Variants in TEX15 observed in about 807,000 individuals in gnomAD.
The protein encoded by TEX15 is testis-expressed protein 15.
A neutral mutation model predicts 237.3 loss-of-function variants in TEX15; 171 were observed. That is an observed-to-expected ratio of 0.72 (90% CI 0.64 to 0.82). The LOEUF is 0.82. TEX15 is among the 40% of genes least tolerant of loss of function. The pLI is 0.00. For missense variants in TEX15, 3,750 were observed against 3,646.5 expected (o/e 1.03, Z -0.73); for synonymous variants, 1,338 against 1,269.8 (o/e 1.05, Z -1.14).
intron 1 of TEX15, among the ~76,000 whole-genome samples, chr8:30,899,320 GAAC>G (rs1325499167): frequency 1.3e-5 from 2 of 152,088 alleles, no homozygotes; most frequent in African/African-American, 4.8e-5. Context: ...TTTCAGATGA[GAAC>G]AACAGACTCA....
chr8:30,846,121 G>A lies in TEX15; in HGVS notation c.4046C>T (p.Thr1349Ile), dbSNP rs758850666. The change falls in exon 8 of 11, where the codon ACA (threonine) becomes ATA (isoleucine). Residue 1349 changes from threonine to isoleucine, a missense_variant. By Grantham distance (89) the Thr-to-Ile change is moderately conservative. Coordinates refer to ENST00000643185, the MANE Select transcript of TEX15 (RefSeq NM_001350162.2). The stretch of plus-strand genomic sequence containing the variant: ...AATGTGCTTTTCTGACTGTGAAAAT[G>A]TTTTAATTCGTCCTTGGGATAATGA... Reference protein sequence around the residue: ...FSSLSQGRIKTFSQSEKHIKS... With the variant: ...FSSLSQGRIKIFSQSEKHIKS... 2 of 1,613,512 alleles carry A rather than the reference G, an allele frequency of 1.2e-6. No homozygotes were observed. The highest frequency in any genetic ancestry group is 2.2e-5 in the East Asian group (1 of 44,838).
In TEX15 at chr8:30,845,793, T is replaced by G; in HGVS notation, c.4374A>C (p.Lys1458Asn). The G allele has an allele frequency of 1.2e-6, 2 of 1,610,402 alleles. No homozygotes were observed. The highest frequency in any genetic ancestry group is 1.7e-6 in the Non-Finnish European group (2 of 1,178,952). The change falls in exon 8 of 11, where the codon AAA becomes AAC. Residue 1458 changes from lysine (K) to asparagine (N), a missense_variant. Physicochemically the swap from Lys to Asn is moderately conservative, Grantham distance 94. Transcript: ENST00000643185. ...TAGAAATATCAGCTTTTGGAGCTCTTTTCTTTCTCCGTTTGTCATATTTTC... is the reference window on the plus strand; with the variant it reads ...TAGAAATATCAGCTTTTGGAGCTCTGTTCTTTCTCCGTTTGTCATATTTTC... The part of the protein sequence containing the change: ...SKRKYDKRRK[K>N]RAPKADISKS...
In TEX15 at chr8:30,848,536, A is replaced by G. The variant is rs575713960; in HGVS notation, c.1631T>C (p.Val544Ala). Reference protein sequence around the residue: ...DQGNFSFPISVSNVVSEVENQ... With the variant: ...DQGNFSFPISASNVVSEVENQ... The stretch of plus-strand genomic sequence containing the variant: ...CTCAACCTCTGACACTACATTTGAC[A>G]CAGAAATTGGGAAGGAAAAATTACC... Residue 544 changes from valine (V) to alanine (A), a missense_variant, in exon 8 of 11, where the codon GTG becomes GCG. Coordinates refer to ENST00000643185, the MANE Select transcript of TEX15 (RefSeq NM_001350162.2). 1 of 1,614,090 alleles carries G rather than the reference A, an allele frequency of 6.2e-7. No homozygotes were observed. Among genetic ancestry groups the G allele is most frequent in the Admixed American group, 1.7e-5 (1 of 60,010 alleles).
Position 30,832,749 on chromosome 8 carries a change from A to G in TEX15, c.*537T>C, listed in dbSNP as rs1217928092. The G allele has an allele frequency of 6.6e-6, 1 of 152,222 alleles. No individual in the cohort carries two copies. Among genetic ancestry groups the G allele is most frequent in the Admixed American group, 6.5e-5 (1 of 15,282 alleles). 9.4% of individuals were successfully genotyped at this position (152,222 alleles called of 1,614,324 possible). The stretch of plus-strand genomic sequence containing the variant: ...ATAATTAACTACAATTGCTTCCAAC[A>G]TAAACATTTAAAACATCTCTACTCA... On this transcript the variant is annotated 3_prime_UTR_variant, in exon 11 of 11. Coordinates refer to ENST00000643185, the MANE Select transcript of TEX15 (RefSeq NM_001350162.2).
In TEX15 at chr8:30,898,770, A is replaced by G. The variant is rs1808954277; in HGVS notation, c.-38T>C. On this transcript the variant is annotated 5_prime_UTR_variant, in exon 2 of 11. Coordinates refer to ENST00000643185, the MANE Select transcript of TEX15 (RefSeq NM_001350162.2). ...TCTTCAATGGCATCCAGCATTACAC[A>G]GTTATAATCAGTACTCAGTCCATAC... 1 of 152,252 alleles carries G rather than the reference A, an allele frequency of 6.6e-6. No individual in the cohort carries two copies. The highest frequency in any genetic ancestry group is 6.5e-5 in the Admixed American group (1 of 15,292). The allele number at this position is 152,252 out of a possible 1,614,324, so 9.4% of individuals were successfully genotyped here.
In TEX15 at chr8:30,860,088, G is replaced by A. The variant is rs909530777; in HGVS notation, c.541-31C>T. On this transcript the variant is annotated intron_variant, in intron 5 of 10. Coordinates refer to ENST00000643185, the MANE Select transcript of TEX15 (RefSeq NM_001350162.2). ...AAAAAAAAAGCCAAAAAAAAAGTACGTAAAAATATACCAAAACGTTTCTAA... is the reference window on the plus strand; with the variant it reads ...AAAAAAAAAGCCAAAAAAAAAGTACATAAAAATATACCAAAACGTTTCTAA... 25 of 1,424,824 alleles carry A rather than the reference G, an allele frequency of 1.8e-5. No individual in the cohort carries two copies. The East Asian group carries it at 4.6e-4, about 26-fold the overall frequency. 88.3% of individuals were successfully genotyped at this position (1,424,824 alleles called of 1,614,324 possible).
chr8:30,881,628 T>TC (rs1563267042), intron 3 of TEX15, among the ~76,000 whole-genome samples: 2 of 92,442 alleles, frequency 2.2e-5, no homozygotes, highest in Non-Finnish European at 3.7e-5. Context: ...TTTTTTTTAT[T>TC]ATTTTTTTTT....
rs1000801129 is a variant in TEX15 at position 30,845,984 on chromosome 8, G to T, written c.4183C>A (p.His1395Asn). 3 of 1,613,000 alleles carry T rather than the reference G, an allele frequency of 1.9e-6. No individual in the cohort carries two copies. Among genetic ancestry groups the T allele is most frequent in the Non-Finnish European group, 1.7e-6 (2 of 1,179,514 alleles). ...VHLKKAHRRV[H>N]TSLQLITKVG... ...TTAGTTATAAGCTGCAAAGATGTGT[G>T]AACTCTTCTATGAGCTTTTTTTAAG... Residue 1395 changes from histidine to asparagine, a missense_variant, in exon 8 of 11, where the codon CAC becomes AAC. Coordinates refer to ENST00000643185, the MANE Select transcript of TEX15 (RefSeq NM_001350162.2).
chr8:30,839,052 G>C lies in TEX15; in HGVS notation c.8222+854C>G, dbSNP rs543798018. ...GCTGATCTCCAACTCCTGACCTCAG[G>C]TGATCCGCCCGCCTTGGCCTCCCAA... is the stretch of plus-strand genomic sequence containing the variant. On this transcript the variant is annotated intron_variant, in intron 9 of 10. Transcript: ENST00000643185. 2.6e-5 allele frequency among the ~76,000 whole-genome samples: 4 copies of C among 152,032 alleles called. No individual in the cohort carries two copies. The South Asian group carries it at 8.3e-4, about 32-fold the overall frequency.
At chr8:30,858,313 CTT>C (rs869053902) in intron 7 of TEX15, among the ~76,000 whole-genome samples, 7 of 143,576 alleles carry the variant, frequency 4.9e-5, no homozygotes, top group Admixed American at 1.4e-4. Flanking sequence ...TTATCTTTTT[CTT>C]TTTTTTTTTT....
At chr8:30,860,873 G>A (rs988210327) in intron 5 of TEX15, among the ~76,000 whole-genome samples, 3 of 151,920 alleles carry the variant, frequency 2.0e-5, no homozygotes, top group African/African-American at 4.8e-5. Context: ...TTAAAAATGG[G>A]GTTTAATTTT....
At chr8:30,909,551 A>G (rs995940687) in intron 1 of TEX15, among the ~76,000 whole-genome samples, 3 of 152,208 alleles carry the variant, frequency 2.0e-5, no homozygotes, top group Non-Finnish European at 4.4e-5. Context: ...AAAGTAGTTC[A>G]TTAAAGCAAT....
intron 3 of TEX15, among the ~76,000 whole-genome samples, chr8:30,878,614 C>T (rs533663406): frequency 8.2e-4 from 125 of 152,062 alleles, no homozygotes; most frequent in African/African-American, 2.6e-3. Context: ...CTTGAACTCC[C>T]GACCTCAGGT....
chr8:30,898,189 A>G (rs866136234), intron 2 of TEX15, among the ~76,000 whole-genome samples: 3 of 152,192 alleles, frequency 2.0e-5, no homozygotes, highest in African/African-American at 7.2e-5. Context: ...TCCTTATAAA[A>G]TAAATACCTG....
rs750821662 is a variant in TEX15 at position 30,837,240 on chromosome 8, T to C, written c.9044A>G (p.Tyr3015Cys). The change falls in exon 10 of 11, where the codon TAT (tyrosine) becomes TGT (cysteine). Residue 3015 changes from tyrosine (Y) to cysteine (C), a missense_variant. By Grantham distance (194) the Tyr-to-Cys change is radical. Transcript: ENST00000643185. ...TGCAGACTGTGGAAGTTCATTCCAA[T>C]ATGTGGCAGCATTCTGCATTAGGAC... ...SKVLMQNAAT[Y>C]WNELPQSACN... The C allele has an allele frequency of 1.9e-6, 3 of 1,614,202 alleles. No homozygotes were observed. Among genetic ancestry groups the C allele is most frequent in the Middle Eastern group, 1.6e-4 (1 of 6,062 alleles).
At chr8:30,908,972 C>T (rs951128026) in intron 1 of TEX15, among the ~76,000 whole-genome samples, 4 of 152,124 alleles carry the variant, frequency 2.6e-5, no homozygotes, top group Non-Finnish European at 4.4e-5. Flanking sequence ...TTCTTTCTCA[C>T]ACACACCCTT....
Position 30,837,880 on chromosome 8 carries a change from T to A in TEX15, c.8404A>T (p.Thr2802Ser). ...ASKSESKIDL[T>S]VSSDHFSGQQ... ...CCACTGAAGTGATCAGATGAAACAG[T>A]TAAGTCTATTTTGCTTTCCGACTTT... The change falls in exon 10 of 11, where the codon ACT becomes TCT. Residue 2802 changes from threonine to serine, a missense_variant. Thr to Ser is a moderately conservative substitution (Grantham distance 58, BLOSUM62 1). Coordinates refer to ENST00000643185, the MANE Select transcript of TEX15 (RefSeq NM_001350162.2). 3 of 1,614,210 alleles carry A rather than the reference T, an allele frequency of 1.9e-6. No homozygotes were observed. The highest frequency in any genetic ancestry group is 2.5e-6 in the Non-Finnish European group (3 of 1,180,032).
intron 3 of TEX15, among the ~76,000 whole-genome samples, chr8:30,883,441 G>A (rs747624268): frequency 6.6e-6 from 1 of 151,638 alleles, no homozygotes; most frequent in Non-Finnish European, 1.5e-5. Flanking sequence ...TTGTTACATA[G>A]ATGTATGTGT....
chr8:30,881,260 A>G (rs1808513902), intron 3 of TEX15, among the ~76,000 whole-genome samples: 1 of 151,998 alleles, frequency 6.6e-6, no homozygotes, highest in Non-Finnish European at 1.5e-5. Flanking sequence ...ATCTCATATT[A>G]TTATTCTCTC....
Sources: gnomAD v4.1 joint callset for allele counts (sites outside exome capture counted in the v4.1 genomes callset) on GRCh38, gnomAD v4.1.1 for gene constraint, MANE v1.5 for transcripts, NCBI Gene and HGNC (gene_info 2026-07-23, HGNC 2026-07-21) for gene names.